The following IFI16 variants were observed in gnomAD, a reference collection of about 807,000 sequenced individuals.
The protein encoded by IFI16 is interferon gamma inducible protein 16, also known as gamma-interferon-inducible protein 16.
IFI16 carries 49 observed loss-of-function variants against 68.4 expected under a neutral mutation model. That is an observed-to-expected ratio of 0.72 (90% CI 0.57 to 0.91). The LOEUF (loss-of-function observed/expected upper bound fraction) is 0.91, where lower values mean the gene tolerates loss of function less well. Ranked by LOEUF, IFI16 falls within the 40% of genes least tolerant of loss-of-function variation. IFI16 has a pLI of 0.00. For synonymous variants in IFI16, 307 were observed against 315.0 expected, an observed-to-expected ratio of 0.97 and a Z score of 0.27; for missense variants, 878 against 942.9, an observed-to-expected ratio of 0.93 and a Z score of 0.90.
chr1:159,014,306 G>A (rs1652781482), intron 1 of IFI16, among the ~76,000 whole-genome samples: 1 of 152,182 alleles, frequency 6.6e-6, no homozygotes, highest in Non-Finnish European at 1.5e-5. Context: ...AGAAACAACA[G>A]GCAGGATTTG....
upstream of IFI16, chr1:159,009,093 C>T (rs1400804384): frequency 2.0e-5 from 3 of 152,216 alleles, no homozygotes; most frequent in Non-Finnish European, 4.4e-5. Flanking sequence ...AGACTCCTCA[C>T]ACTACCGGAA....
chr1:159,029,085 C>T (rs1327149987), intron 6 of IFI16, among the ~76,000 whole-genome samples: 3 of 152,082 alleles, frequency 2.0e-5, no homozygotes, highest in Non-Finnish European at 2.9e-5. Flanking sequence ...TTTATAAGTC[C>T]TATGAGATTT....
chr1:159,020,454 C>T lies in IFI16; in HGVS notation c.1086C>T (p.Leu362=). The change falls in exon 6 of 12, where the codon CTC becomes CTT. Residue 362 remains leucine, a synonymous_variant. Transcript: ENST00000295809. The stretch of plus-strand genomic sequence containing the variant: ...TCCCCTGTGAAGAAGGAGATAAGCT[C>T]CAACTTTTCTGCTTTCGACTTAGAA... ...HNIPCEEGDK[L]QLFCFRLRKK... is the part of the protein sequence containing the mutation. 6.2e-7 allele frequency: 1 copy of T among 1,613,028 alleles called. No individual in the cohort carries two copies. Among genetic ancestry groups the T allele is most frequent in the South Asian group, 1.1e-5 (1 of 91,024 alleles).
intron 9 of IFI16, 54 bp from the exon 10 acceptor site, chr1:159,051,625 G>C: frequency 7.1e-7 from 1 of 1,409,574 alleles, no homozygotes; most frequent in African/African-American, 1.4e-5. Flanking sequence ...ACTAGAGAAT[G>C]ACCCTGTTTT....
chr1:159,050,560 T>A (rs1655289984), intron 9 of IFI16, among the ~76,000 whole-genome samples: 1 of 152,162 alleles, frequency 6.6e-6, no homozygotes, highest in African/African-American at 2.4e-5. Context: ...GTGGCCAATA[T>A]CATCTTCCAG....
intron 8 of IFI16, among the ~76,000 whole-genome samples, chr1:159,047,319 G>T (rs534886903): frequency 6.7e-6 from 1 of 149,614 alleles, no homozygotes; most frequent in East Asian, 1.9e-4. Flanking sequence ...CCCCTATATA[G>T]TCTTTCCTGG....
chr1:159,006,255 A>G (rs1652254895), upstream of IFI16, among the ~76,000 whole-genome samples: 1 of 152,216 alleles, frequency 6.6e-6, no homozygotes, highest in Non-Finnish European at 1.5e-5. Flanking sequence ...AAGGGGCTTG[A>G]TTAACTTTTA....
rs923572095 is a variant in IFI16, at chr1:159,051,846, C to T, written c.1833C>T (p.Phe611=). ...CAGTGGCAACTGAGAATGAAGTCTT[C>T]CGAGTGAAGGTTTTTAATATTGACC... ...HATVATENEV[F]RVKVFNIDLK... Residue 611 remains phenylalanine, a synonymous_variant, in exon 10 of 12, where the codon TTC becomes TTT. Coordinates refer to ENST00000295809, the MANE Select transcript of IFI16 (RefSeq NM_001376587.1). The T allele has an allele frequency of 6.2e-7, 1 of 1,613,976 alleles. No individual in the cohort carries two copies. Among genetic ancestry groups the T allele is most frequent in the Admixed American group, 1.7e-5 (1 of 59,998 alleles).
intron 6 of IFI16, among the ~76,000 whole-genome samples, chr1:159,030,629 T>A (rs1350742727): frequency 6.6e-6 from 1 of 152,168 alleles, no homozygotes; most frequent in African/African-American, 2.4e-5. Context: ...AAGAGTCCTG[T>A]GATGTGGTTC....
In IFI16 at chr1:159,053,717, A is replaced by T; in HGVS notation, c.2270A>T (p.His757Leu). 1 of 1,612,488 alleles carries T rather than the reference A, an allele frequency of 6.2e-7. No homozygotes were observed. The highest frequency in any genetic ancestry group is 1.3e-5 in the African/African-American group (1 of 74,988). Residue 757 changes from histidine (H) to leucine (L), a missense_variant, in exon 11 of 12, where the codon CAC becomes CTC. Physicochemically the swap from His to Leu is moderately conservative, Grantham distance 99. Coordinates refer to ENST00000295809, the MANE Select transcript of IFI16 (RefSeq NM_001376587.1). ...TGELRSVIHS[H>L]IKVIKTRKNK... is the part of the protein sequence containing the mutation. ...GAGTTGAGATCTGTAATTCATAGTC[A>T]CATCAAGGTTGGAACTTTATAGGAA...
At chr1:159,033,028 C>T (rs1446345643) in intron 7 of IFI16, among the ~76,000 whole-genome samples, 1 of 151,972 alleles carries the variant, frequency 6.6e-6, no homozygotes, top group Non-Finnish European at 1.5e-5. Flanking sequence ...GTTTCTTTTA[C>T]CCATTTCCCC....
rs560511378 is a variant in IFI16, at chr1:159,023,268, A to C, written c.1161+2739A>C. 7.2e-4 allele frequency among the ~76,000 whole-genome samples: 110 copies of C among 152,312 alleles called. 2 individuals are homozygous for C. The South Asian group carries it at 0.022, about 31-fold the overall frequency. On this transcript the variant is annotated intron_variant, in intron 6 of 11. Coordinates refer to ENST00000295809, the MANE Select transcript of IFI16 (RefSeq NM_001376587.1). ...GGGGCAGTATTAGGAATAAAGGTAT[A>C]ACATTGAGTTTTAATTATGACACAA...
Position 159,018,627 on chromosome 1 carries a change from AT to A in IFI16, c.949del (p.Tyr317MetfsTer11). ...ACAAACAAGCTTCAGGAAATATTGT[AT>A]ATGGGGTATTTATGCTACATAAGGT... ...LHKQASGNIV[Y>X]GVFMLHKKTV... On this transcript the variant is annotated frameshift_variant, in exon 5 of 12. Transcript: ENST00000295809. LOFTEE classifies it high-confidence loss of function. 2 of 1,611,216 alleles carry A rather than the reference AT, an allele frequency of 1.2e-6. No individual in the cohort carries two copies. The highest frequency in any genetic ancestry group is 2.2e-5 in the South Asian group (2 of 90,728).
chr1:159,023,666 A>T (rs991815604), intron 6 of IFI16, among the ~76,000 whole-genome samples: 7 of 151,588 alleles, frequency 4.6e-5, no homozygotes, highest in Non-Finnish European at 8.8e-5. Context: ...GGTGCAGGGG[A>T]TAGCCAGTTG....
chr1:159,049,845 G>C lies in IFI16; in HGVS notation c.1665+246G>C, dbSNP rs527703539. 3.4e-4 allele frequency among the ~76,000 whole-genome samples: 51 copies of C among 151,702 alleles called. 2 individuals carry two copies. Among genetic ancestry groups the C allele is most frequent in the South Asian group, 2.5e-3 (12 of 4,810 alleles). Reference sequence around the variant, plus strand: ...TAATTTTATTTTTCTTTTGGCTTACGTTTTTGTTTTTCCCTCAATACATCA... The same window carrying C: ...TAATTTTATTTTTCTTTTGGCTTACCTTTTTGTTTTTCCCTCAATACATCA... On this transcript the variant is annotated intron_variant, in intron 9 of 11. Coordinates refer to ENST00000295809, the MANE Select transcript of IFI16 (RefSeq NM_001376587.1).
chr1:159,052,831 T>C (rs1655447017), intron 10 of IFI16: 1 of 152,074 alleles, frequency 6.6e-6, no homozygotes, highest in Non-Finnish European at 1.5e-5. Flanking sequence ...ATCATGTAAA[T>C]ATTATGCTTA....
intron 9 of IFI16, among the ~76,000 whole-genome samples, chr1:159,049,927 CTA>C (rs971745183): frequency 3.2e-4 from 49 of 151,270 alleles, no homozygotes; most frequent in Admixed American, 1.9e-3. Flanking sequence ...ACCCATAACA[CTA>C]TCACTGATTT....
chr1:159,030,564 A>G (rs1270783114), intron 6 of IFI16, among the ~76,000 whole-genome samples: 1 of 152,002 alleles, frequency 6.6e-6, no homozygotes, highest in Non-Finnish European at 1.5e-5. Context: ...GATTGTCAAC[A>G]CCCAGCAGAG....
chr1:159,015,004 T>G, intron 2 of IFI16, 59 bp downstream of exon 2: 2 of 1,444,730 alleles, frequency 1.4e-6, no homozygotes, highest in Non-Finnish European at 1.9e-6. Flanking sequence ...TCCCCAACAT[T>G]GATTAGAGCC....
Sources: gnomAD v4.1 joint callset for allele counts (sites outside exome capture counted in the v4.1 genomes callset) on GRCh38, gnomAD v4.1.1 for gene constraint, MANE v1.5 for transcripts, NCBI Gene and HGNC (gene_info 2026-07-23, HGNC 2026-07-21) for gene names.